The following DOCK4 variants were observed in gnomAD, a reference collection of about 807,000 sequenced individuals.
DOCK4 encodes dedicator of cytokinesis protein 4.
Under a neutral mutation model 268.1 loss-of-function variants are expected in DOCK4, and 97 were observed. The observed-to-expected ratio is 0.36, with a 90% CI of 0.31 to 0.43. DOCK4 has a LOEUF of 0.43. Ranked by LOEUF, DOCK4 falls within the 20% of genes least tolerant of loss-of-function variation. The pLI is 1.00. For missense variants in DOCK4, 2,145 were observed against 2,455.7 expected (o/e 0.87, Z 2.67); for synonymous variants, 954 against 887.2 (o/e 1.08, Z -1.34).
intron 1 of DOCK4, among the ~76,000 whole-genome samples, chr7:112,098,475 C>G (rs1465760736): frequency 2.0e-5 from 3 of 150,720 alleles, no homozygotes; most frequent in Middle Eastern, 3.5e-3. Flanking sequence ...CAGCGTCCAG[C>G]CTATAAATTA....
At chr7:111,812,812 C>T (rs1402643107) in intron 27 of DOCK4, among the ~76,000 whole-genome samples, 1 of 152,150 alleles carries the variant, frequency 6.6e-6, no homozygotes, top group Non-Finnish European at 1.5e-5. Flanking sequence ...GTCTATAACC[C>T]AGTACGAAGC....
At chr7:112,132,174 T>C (rs926747034) in intron 1 of DOCK4, among the ~76,000 whole-genome samples, 2 of 152,100 alleles carry the variant, frequency 1.3e-5, no homozygotes, top group Non-Finnish European at 2.9e-5. Context: ...CATAAATCCA[T>C]GTAAACTGGC....
chr7:112,093,450 G>C (rs980983103), intron 1 of DOCK4, among the ~76,000 whole-genome samples: 9 of 151,990 alleles, frequency 5.9e-5, no homozygotes, highest in Non-Finnish European at 1.0e-4. Context: ...CATTTAAAGG[G>C]GGGGGGAAAC....
intron 1 of DOCK4, among the ~76,000 whole-genome samples, chr7:112,150,034 G>A (rs1815908849): frequency 6.6e-6 from 1 of 152,156 alleles, no homozygotes. Context: ...TTTGTGGAAA[G>A]TCTTATTATT....
intron 1 of DOCK4, among the ~76,000 whole-genome samples, chr7:112,107,507 A>G (rs1297929995): frequency 1.3e-5 from 2 of 152,236 alleles, no homozygotes; most frequent in Non-Finnish European, 2.9e-5. Context: ...TTTATCTTGG[A>G]CTTCCAACCT....
chr7:111,811,957 T>TA lies in DOCK4; in HGVS notation c.2931-9dup, dbSNP rs536254051. The TA allele has an allele frequency of 8.4e-5, 121 of 1,444,394 alleles. No individual in the cohort carries two copies. Among genetic ancestry groups the TA allele is most frequent in the Middle Eastern group, 5.3e-4 (3 of 5,632 alleles). The allele number at this position is 1,444,394 out of a possible 1,614,324, so 89.5% of individuals were successfully genotyped here. A position where few individuals can be genotyped will look rare whatever the true frequency, so the allele number is the denominator to read the frequency against. On this transcript the variant is annotated splice_polypyrimidine_tract_variant and intron_variant, in intron 27 of 52. Coordinates refer to ENST00000428084, the MANE Select transcript of DOCK4 (RefSeq NM_001363540.2). ...ACTGTTGTAATAATAACACTAGTGA[T>TA]AAAAAAAATGACAAGGTGAAAACTT...
chr7:112,157,327 A>T (rs968917080), intron 1 of DOCK4, among the ~76,000 whole-genome samples: 4 of 152,044 alleles, frequency 2.6e-5, no homozygotes, highest in Admixed American at 6.6e-5. Flanking sequence ...GCCATGGGAG[A>T]CGTCATTTTC....
chr7:112,157,687 A>G (rs1191656940), intron 1 of DOCK4, among the ~76,000 whole-genome samples: 1 of 152,188 alleles, frequency 6.6e-6, no homozygotes, highest in Non-Finnish European at 1.5e-5. Context: ...AGAGCTGTCA[A>G]TGCACAGATT....
At chr7:111,765,669 T>C (rs1797718851) in intron 38 of DOCK4, among the ~76,000 whole-genome samples, 1 of 152,240 alleles carries the variant, frequency 6.6e-6, no homozygotes, top group African/African-American at 2.4e-5. Flanking sequence ...CCTGTGGGTT[T>C]GCCTCCACCT....
intron 4 of DOCK4, among the ~76,000 whole-genome samples, chr7:111,996,276 C>T (rs1037860730): frequency 1.3e-5 from 2 of 152,138 alleles, no homozygotes; most frequent in African/African-American, 4.8e-5. Flanking sequence ...GTTGTCCAAG[C>T]AAAATTTAAA....
chr7:112,114,628 T>C (rs1346812807), intron 1 of DOCK4, among the ~76,000 whole-genome samples: 4 of 152,202 alleles, frequency 2.6e-5, no homozygotes, highest in Admixed American at 2.0e-4. Context: ...ACAGCACAAG[T>C]AATTTATGTG....
At chr7:112,123,841 T>C (rs548831631) in intron 1 of DOCK4, among the ~76,000 whole-genome samples, 16 of 152,096 alleles carry the variant, frequency 1.1e-4, no homozygotes, top group Non-Finnish European at 2.2e-4. Context: ...AACTAAAGAA[T>C]ATATCCTAAA....
chr7:112,182,536 C>T (rs1246583375), intron 1 of DOCK4, among the ~76,000 whole-genome samples: 1 of 152,176 alleles, frequency 6.6e-6, no homozygotes, highest in East Asian at 1.9e-4. Flanking sequence ...GTTTCATATG[C>T]TACATTTTTC....
At chr7:112,008,426 TC>T (rs1249856106) in intron 1 of DOCK4, among the ~76,000 whole-genome samples, 1 of 152,196 alleles carries the variant, frequency 6.6e-6, no homozygotes, top group Non-Finnish European at 1.5e-5. Context: ...ACAGTATCAT[TC>T]CTTTATATAA....
At position 111,728,601 on chromosome 7, in the gene DOCK4, G is replaced by C. The variant is rs1209318014; in HGVS notation, c.5601C>G (p.Ser1867Arg). ...SSGISSLSRC[S>R]TSETSGFENQ... The stretch of plus-strand genomic sequence containing the variant: ...TTTCAAAGCCTGAGGTTTCCGACGT[G>C]CTGCACCGGCTGAGAGAAGAAATCC... The change falls in exon 53 of 53, where the codon AGC becomes AGG. Residue 1867 changes from serine (S) to arginine (R), a missense_variant. Transcript: ENST00000428084. 2 of 1,614,022 alleles carry C rather than the reference G, an allele frequency of 1.2e-6. No homozygotes were observed. Among genetic ancestry groups the C allele is most frequent in the African/African-American group, 1.3e-5 (1 of 75,044 alleles).
intron 30 of DOCK4, chr7:111,808,495 A>AT (rs1406967845): frequency 1.2e-5 from 3 of 240,016 alleles, no homozygotes; most frequent in Non-Finnish European, 1.6e-5. Context: ...AGTTCTAGAA[A>AT]TTTTGAGTTG....
chr7:112,000,522 C>A lies in DOCK4; in HGVS notation c.134G>T (p.Gly45Val). ...GATATTTGGGTTTTTTAAGGCAAATCCTCTGTACCAGCCTGTGGAAAAATA... is the reference window on the plus strand; with the variant it reads ...GATATTTGGGTTTTTTAAGGCAAATACTCTGTACCAGCCTGTGGAAAAATA... The part of the protein sequence containing the change: ...ILEKCDGWYR[G>V]FALKNPNIKG... Residue 45 changes from glycine (G) to valine (V), a missense_variant, in exon 3 of 53, where the codon GGA becomes GTA. By Grantham distance (109) the Gly-to-Val change is moderately radical. This residue lies in a region of DOCK4 where 1,598 missense variants were observed against 1,986.7 expected (regional missense o/e 0.80). Coordinates refer to ENST00000428084, the MANE Select transcript of DOCK4 (RefSeq NM_001363540.2). 1 of 1,554,092 alleles carries A rather than the reference C, an allele frequency of 6.4e-7. No homozygotes were observed. Among genetic ancestry groups the A allele is most frequent in the Non-Finnish European group, 8.8e-7 (1 of 1,142,390 alleles).
chr7:112,119,934 G>A (rs764730851), intron 1 of DOCK4, among the ~76,000 whole-genome samples: 7 of 149,514 alleles, frequency 4.7e-5, no homozygotes, highest in African/African-American at 9.9e-5. Context: ...TGCAACCTTC[G>A]CCTCCCAGGT....
chr7:112,108,131 T>C (rs186152531), intron 1 of DOCK4, among the ~76,000 whole-genome samples: 3 of 152,354 alleles, frequency 2.0e-5, no homozygotes, highest in South Asian at 2.1e-4. Context: ...AGCCTAAGAT[T>C]AGTATAATAC....
Sources: allele counts gnomAD v4.1 joint callset (sites outside exome capture counted in the v4.1 genomes callset), GRCh38; gene constraint gnomAD v4.1.1; regional missense constraint gnomAD v4.1.1; transcripts MANE v1.5; gene names NCBI Gene and HGNC (gene_info 2026-07-23, HGNC 2026-07-21).